Variants in FHIP1A observed in about 807,000 individuals in gnomAD.
The protein encoded by FHIP1A is FHF complex subunit HOOK-interacting protein 1A.
FHIP1A carries 61 observed loss-of-function variants against 88.6 expected under a neutral mutation model. The observed-to-expected ratio is 0.69, with a 90% CI of 0.56 to 0.85. The LOEUF (loss-of-function observed/expected upper bound fraction) is 0.85, where lower values mean the gene tolerates loss of function less well. FHIP1A is among the 40% of genes least tolerant of loss of function. FHIP1A has a pLI of 0.00. For synonymous variants in FHIP1A, 478 were observed against 496.0 expected, an observed-to-expected ratio of 0.96 and a Z score of 0.48; for missense variants, 1,154 against 1,273.5, an observed-to-expected ratio of 0.91 and a Z score of 1.43.
chr4:151,625,519 G>A (rs933857828), intron 7 of FHIP1A, among the ~76,000 whole-genome samples: 2 of 152,208 alleles, frequency 1.3e-5, no homozygotes, highest in African/African-American at 2.4e-5. Context: ...GGGATCGCCT[G>A]ACTAGAGCTG....
intron 4 of FHIP1A, among the ~76,000 whole-genome samples, chr4:151,576,475 A>C (rs1271738746): frequency 6.6e-6 from 1 of 151,922 alleles, no homozygotes; most frequent in Non-Finnish European, 1.5e-5. Context: ...CTAATTTTTA[A>C]AGTTATTTTG....
chr4:151,524,254 A>T (rs1731551126), intron 3 of FHIP1A, among the ~76,000 whole-genome samples: 2 of 151,432 alleles, frequency 1.3e-5, no homozygotes, highest in Non-Finnish European at 2.9e-5. Context: ...GTGAGCCAAG[A>T]TTGTGCCACT....
At chr4:151,435,240 C>G (rs917421787) in intron 1 of FHIP1A, among the ~76,000 whole-genome samples, 2 of 152,134 alleles carry the variant, frequency 1.3e-5, no homozygotes, top group African/African-American at 4.8e-5. Context: ...TATTTTCCTA[C>G]TCATTAACCA....
rs1733870303 is a variant in FHIP1A at position 151,578,003 on chromosome 4, TC to T, written c.660del (p.Phe221SerfsTer41). The T allele has an allele frequency of 1.9e-6, 3 of 1,551,242 alleles. No individual in the cohort carries two copies. The highest frequency in any genetic ancestry group is 1.7e-4 in the Middle Eastern group (1 of 5,994). ...GGCCAGCAAGCTCGGGATGCATTGCTCTTCATCATGTCTCTTTCTGCTGAGA... is the reference window on the plus strand; with the variant it reads ...GGCCAGCAAGCTCGGGATGCATTGCTTTCATCATGTCTCTTTCTGCTGAGA... Reference protein sequence around the residue: ...SVGQQARDALLFIMSLSAENT... With the variant: ...SVGQQARDALXFIMSLSAENT... On this transcript the variant is annotated frameshift_variant, in exon 5 of 14. Transcript: ENST00000435205. LOFTEE classifies it high-confidence loss of function.
At chr4:151,472,066 A>T (rs1448075622) in intron 2 of FHIP1A, among the ~76,000 whole-genome samples, 1 of 152,122 alleles carries the variant, frequency 6.6e-6, no homozygotes, top group East Asian at 1.9e-4. Context: ...GAATTGTGAG[A>T]AGCCATAACT....
intron 3 of FHIP1A, among the ~76,000 whole-genome samples, chr4:151,552,179 G>C (rs1448446114): frequency 1.3e-5 from 2 of 152,198 alleles, no homozygotes; most frequent in South Asian, 2.1e-4. Context: ...GGAAATAACA[G>C]GTGCTGGAGA....
At chr4:151,487,022 G>A (rs1439357503) in intron 3 of FHIP1A, among the ~76,000 whole-genome samples, 1 of 151,664 alleles carries the variant, frequency 6.6e-6, no homozygotes. Context: ...TTTTTCTGAG[G>A]CTTCTCCTTC....
At chr4:151,435,651 G>A (rs1272348068) in intron 1 of FHIP1A, among the ~76,000 whole-genome samples, 1 of 152,044 alleles carries the variant, frequency 6.6e-6, no homozygotes, top group Non-Finnish European at 1.5e-5. Flanking sequence ...CAGGTGTGGT[G>A]GCACATGCCT....
intron 7 of FHIP1A, among the ~76,000 whole-genome samples, chr4:151,616,446 T>C (rs1260536867): frequency 7.4e-6 from 1 of 135,146 alleles, no homozygotes; most frequent in Non-Finnish European, 1.6e-5. Context: ...CTTTCTTTCT[T>C]TTTTTTTTTT....
chr4:151,580,850 T>C (rs1733994013), intron 5 of FHIP1A, among the ~76,000 whole-genome samples: 1 of 152,126 alleles, frequency 6.6e-6, no homozygotes, highest in African/African-American at 2.4e-5. Context: ...GAATTATTTA[T>C]TTATTTATTT....
chr4:151,605,604 C>T (rs1237230361), intron 7 of FHIP1A, among the ~76,000 whole-genome samples: 1 of 152,210 alleles, frequency 6.6e-6, no homozygotes, highest in African/African-American at 2.4e-5. Context: ...GCTTGAACAA[C>T]ATACATGGGT....
chr4:151,466,563 C>G (rs1297550656), intron 2 of FHIP1A, among the ~76,000 whole-genome samples: 1 of 152,190 alleles, frequency 6.6e-6, no homozygotes, highest in Non-Finnish European at 1.5e-5. Flanking sequence ...AGGCATCACA[C>G]TACCTGACCT....
intron 3 of FHIP1A, among the ~76,000 whole-genome samples, chr4:151,488,417 C>G (rs1193887023): frequency 6.6e-6 from 1 of 152,118 alleles, no homozygotes; most frequent in East Asian, 1.9e-4. Context: ...TGCATTAATT[C>G]TCTTAGGATA....
intron 2 of FHIP1A, among the ~76,000 whole-genome samples, chr4:151,476,321 A>AT (rs1224275904): frequency 1.3e-5 from 2 of 150,314 alleles, no homozygotes; most frequent in Non-Finnish European, 3.0e-5. Context: ...TTTTTATTTC[A>AT]TTTTTTTTGT....
At chr4:151,452,100 C>T (rs746056204) in intron 1 of FHIP1A, among the ~76,000 whole-genome samples, 1 of 152,126 alleles carries the variant, frequency 6.6e-6, no homozygotes, top group Non-Finnish European at 1.5e-5. Context: ...GAATTACAGG[C>T]GTGAGCCACC....
At chr4:151,511,018 A>G (rs1731009038) in intron 3 of FHIP1A, among the ~76,000 whole-genome samples, 1 of 152,224 alleles carries the variant, frequency 6.6e-6, no homozygotes, top group Non-Finnish European at 1.5e-5. Context: ...TTGCAAAACA[A>G]TATGGAAATG....
intron 13 of FHIP1A, among the ~76,000 whole-genome samples, chr4:151,658,241 C>T (rs1337589826): frequency 6.6e-6 from 1 of 152,198 alleles, no homozygotes; most frequent in African/African-American, 2.4e-5. Flanking sequence ...AGAAGGTACA[C>T]CAATTACCAG....
At chr4:151,415,945 T>TG (rs35391353) in intron 1 of FHIP1A, among the ~76,000 whole-genome samples, 6 of 89,944 alleles carry the variant, frequency 6.7e-5, no homozygotes, top group African/African-American at 2.8e-4. Context: ...GAGCATAGTG[T>TG]TTTTTTTTTT....
At chr4:151,467,946 T>C (rs1357314612) in intron 2 of FHIP1A, among the ~76,000 whole-genome samples, 2 of 148,956 alleles carry the variant, frequency 1.3e-5, no homozygotes, top group African/African-American at 2.5e-5. Context: ...TGTATACCTA[T>C]GTAACAAACG....
Sources: gnomAD v4.1 joint callset for allele counts (sites outside exome capture counted in the v4.1 genomes callset) on GRCh38, gnomAD v4.1.1 for gene constraint, MANE v1.5 for transcripts, NCBI Gene and HGNC (gene_info 2026-07-23, HGNC 2026-07-21) for gene names.